Variants in CACNA1A observed in about 807,000 individuals in gnomAD.
CACNA1A encodes calcium voltage-gated channel subunit alpha1 A.
Under a neutral mutation model 262.4 loss-of-function variants are expected in CACNA1A, and 57 were observed. The ratio of observed to expected loss-of-function variants is 0.22; its 90% CI spans 0.18 to 0.27. CACNA1A has a LOEUF of 0.27. Among genes scored for constraint, CACNA1A ranks in the 10% least tolerant of loss-of-function variants. The probability of loss-of-function intolerance (pLI) is 1.00; values close to 1 mark genes in which losing one functional copy is unlikely to be tolerated. For missense variants in CACNA1A, 2,526 were observed against 3,562.8 expected (o/e 0.71, Z 7.41); for synonymous variants, 1,431 against 1,419.3 (o/e 1.01, Z -0.18).
chr19:13,270,814 T>A (rs2144809699), intron 24 of CACNA1A, among the ~76,000 whole-genome samples: 1 of 152,270 alleles, frequency 6.6e-6, no homozygotes. Flanking sequence ...GGCCATGATA[T>A]AAAGATGCTC....
chr19:13,453,303 AG>A (rs2144938085), intron 2 of CACNA1A, among the ~76,000 whole-genome samples: 1 of 152,352 alleles, frequency 6.6e-6, no homozygotes, highest in East Asian at 1.9e-4. Context: ...TCAATACGAC[AG>A]TCACAGGCCA....
chr19:13,300,923 A>T (rs2144966051), intron 17 of CACNA1A, among the ~76,000 whole-genome samples: 1 of 151,302 alleles, frequency 6.6e-6, no homozygotes, highest in East Asian at 2.0e-4. Flanking sequence ...CCTACAATGA[A>T]GACTTTCCTG....
intron 24 of CACNA1A, among the ~76,000 whole-genome samples, chr19:13,269,261 G>A (rs147026655): frequency 6.6e-6 from 1 of 152,296 alleles, no homozygotes; most frequent in East Asian, 1.9e-4. Flanking sequence ...CACTGCATTT[G>A]CCTATGGGAA....
rs976780203 is a variant in CACNA1A, at chr19:13,285,121, G to A, written c.3639C>T (p.Gly1213=). 9.9e-6 allele frequency: 16 copies of A among 1,613,796 alleles called. No homozygotes were observed. The highest frequency in any genetic ancestry group is 1.3e-5 in the African/African-American group (1 of 74,886). The change falls in exon 21 of 47, where the codon GGC becomes GGT. Residue 1213 remains glycine (G), a synonymous_variant. Transcript: ENST00000360228. ...AGCTATAGGGAGGCATTGGCTTAGG[G>A]CCGTCTTCCCCACGGTCGTCTTCCT... ...EEEEDDRGED[G]PKPMPPYSSM...
chr19:13,499,453 G>GC (rs1035550170), intron 1 of CACNA1A, among the ~76,000 whole-genome samples: 2 of 132,812 alleles, frequency 1.5e-5, no homozygotes, highest in African/African-American at 5.7e-5. Context: ...GGGGTGGTGG[G>GC]GGGGGGCACT....
chr19:13,452,775 C>T, intron 3 of CACNA1A, 101 bp downstream of exon 3: 2 of 1,127,972 alleles, frequency 1.8e-6, no homozygotes, highest in Non-Finnish European at 2.6e-6. Flanking sequence ...AGGGAGAACA[C>T]AAGGGCTCAG....
At chr19:13,289,647 C>A (rs996108181) in intron 19 of CACNA1A, among the ~76,000 whole-genome samples, 1 of 152,094 alleles carries the variant, frequency 6.6e-6, no homozygotes, top group Non-Finnish European at 1.5e-5. Flanking sequence ...CCATAACATG[C>A]GGGCCGTAAC....
At chr19:13,327,810 C>T (rs1044183093) in intron 10 of CACNA1A, among the ~76,000 whole-genome samples, 6 of 151,926 alleles carry the variant, frequency 3.9e-5, no homozygotes, top group African/African-American at 7.2e-5. Context: ...TGACCTTAAG[C>T]GATCTACCCG....
chr19:13,235,315 C>G (rs755547353), intron 32 of CACNA1A, 41 bp from the exon 33 acceptor site: 4 of 1,527,252 alleles, frequency 2.6e-6, no homozygotes, highest in South Asian at 2.4e-5. Flanking sequence ...GCTGGGGGTC[C>G]CTCAGCCGCA....
intron 3 of CACNA1A, among the ~76,000 whole-genome samples, chr19:13,386,779 C>A (rs1394628574): frequency 6.6e-6 from 1 of 151,750 alleles, no homozygotes; most frequent in East Asian, 1.9e-4. Flanking sequence ...GGCGACAGAG[C>A]GGGACTCTGT....
rs190694677 is a variant in CACNA1A at position 13,466,775 on chromosome 19, G to C, written c.294-11563C>G. Reference sequence around the variant, plus strand: ...AATTTTTCTGCAGAATAAATTCCGTGATGTGAAATTGCTGATTTTTTTTCC... The same window carrying C: ...AATTTTTCTGCAGAATAAATTCCGTCATGTGAAATTGCTGATTTTTTTTCC... On this transcript the variant is annotated intron_variant, in intron 1 of 46. Transcript: ENST00000360228. 6.1e-4 allele frequency among the ~76,000 whole-genome samples: 93 copies of C among 152,176 alleles called. 1 individual carries two copies. The East Asian group carries it at 0.016, about 26-fold the overall frequency.
At chr19:13,247,431 C>T (rs976602417) in intron 30 of CACNA1A, among the ~76,000 whole-genome samples, 1 of 152,170 alleles carries the variant, frequency 6.6e-6, no homozygotes. Flanking sequence ...CGGTGGCTCA[C>T]GCCTGCAATC....
intron 9 of CACNA1A, among the ~76,000 whole-genome samples, chr19:13,332,026 A>G (rs2058477310): frequency 6.6e-6 from 1 of 151,990 alleles, no homozygotes; most frequent in African/African-American, 2.4e-5. Context: ...ATACACAGTG[A>G]CTCTTACAGT....
intron 29 of CACNA1A, among the ~76,000 whole-genome samples, chr19:13,254,807 G>A (rs2056499478): frequency 1.3e-5 from 2 of 152,120 alleles, no homozygotes; most frequent in Admixed American, 6.6e-5. Context: ...TTTTGTGGCA[G>A]GCGACATAAA....
chr19:13,498,585 T>TA (rs771340759), intron 1 of CACNA1A, among the ~76,000 whole-genome samples: 2 of 152,112 alleles, frequency 1.3e-5, no homozygotes, highest in African/African-American at 2.4e-5. Context: ...GAACGGCAGA[T>TA]AAAGCCGTGT....
At chr19:13,248,062 T>C (rs1271034181) in intron 30 of CACNA1A, among the ~76,000 whole-genome samples, 1 of 152,132 alleles carries the variant, frequency 6.6e-6, no homozygotes, top group African/African-American at 2.4e-5. Flanking sequence ...ATACACTCTT[T>C]CCTGGTTGCC....
intron 6 of CACNA1A, among the ~76,000 whole-genome samples, chr19:13,345,203 C>A (rs1409728555): frequency 6.6e-6 from 1 of 152,196 alleles, no homozygotes; most frequent in Non-Finnish European, 1.5e-5. Context: ...ATACTCCCCA[C>A]ATCTTCCTCG....
Position 13,207,429 on chromosome 19 carries a change from C to G in CACNA1A, c.7405G>C (p.Gly2469Arg). 2 of 1,523,126 alleles carry G rather than the reference C, an allele frequency of 1.3e-6. No individual in the cohort carries two copies. The highest frequency in any genetic ancestry group is 1.4e-5 in the African/African-American group (1 of 71,098). 94.4% of individuals were successfully genotyped at this position (1,523,126 alleles called of 1,614,324 possible). A position where few individuals can be genotyped will look rare whatever the true frequency, so the allele number is the denominator to read the frequency against. ...GPACASPSRHGRRLPNGYYPA... is the reference protein window; with the variant it reads ...GPACASPSRHRRRLPNGYYPA... Reference sequence around the variant, plus strand: ...TAGTAGCCGTTGGGGAGTCGCCGGCCGTGCCGAGAAGGCGAGGCGCAGGCC... The same window carrying G: ...TAGTAGCCGTTGGGGAGTCGCCGGCGGTGCCGAGAAGGCGAGGCGCAGGCC... Residue 2469 changes from glycine to arginine, a missense_variant, in exon 47 of 47, where the codon GGC becomes CGC. Gly to Arg is a moderately radical substitution (Grantham distance 125). Transcript: ENST00000360228. The surrounding 1 kb of genome is among the most constrained non-coding windows in gnomAD (Gnocchi z 5.7).
intron 4 of CACNA1A, chr19:13,366,274 A>G (rs953928105): frequency 1.7e-4 from 26 of 151,970 alleles, no homozygotes; most frequent in African/African-American, 4.1e-4. Flanking sequence ...ATTATTTTTT[A>G]AAAAGCACTT....
Sources: allele counts gnomAD v4.1 joint callset (sites outside exome capture counted in the v4.1 genomes callset), GRCh38; gene constraint gnomAD v4.1.1; non-coding constraint Gnocchi (gnomAD v3.1); transcripts MANE v1.5; gene names NCBI Gene and HGNC (gene_info 2026-07-23, HGNC 2026-07-21).